Variants in EPB42 observed in about 807,000 individuals in gnomAD.
EPB42 encodes erythrocyte membrane protein band 4.2.
In EPB42, 49 loss-of-function variants were observed where a neutral mutation model predicts 76.9. The ratio of observed to expected loss-of-function variants is 0.64; its 90% CI spans 0.51 to 0.81. The LOEUF is 0.81. EPB42 is among the 30% of genes least tolerant of loss of function. The pLI is 0.00. For missense variants in EPB42, 731 were observed against 867.6 expected (o/e 0.84, Z 1.98); for synonymous variants, 310 against 338.4 (o/e 0.92, Z 0.92).
In EPB42 at chr15:43,210,408, C is replaced by T. The variant is rs146348439; in HGVS notation, c.581G>A (p.Arg194His). 1.1e-4 allele frequency: 185 copies of T among 1,613,850 alleles called. 1 individual carries two copies. The African/African-American group carries it at 1.6e-3, about 14-fold the overall frequency. ...FEGDVIDLSL[R>H]LLSKDKQVEK... Reference sequence around the variant, plus strand: ...TACCTGCTTGTCCTTGCTCAGCAAGCGCAGGCTGAGGTCAATGACATCCCC... The same window carrying T: ...TACCTGCTTGTCCTTGCTCAGCAAGTGCAGGCTGAGGTCAATGACATCCCC... Residue 194 changes from arginine to histidine, a missense_variant, in exon 5 of 13, where the codon CGC becomes CAC. Coordinates refer to ENST00000441366, the MANE Select transcript of EPB42 (RefSeq NM_001114134.2).
intron 10 of EPB42, among the ~76,000 whole-genome samples, chr15:43,203,702 T>A (rs530305): frequency 1.3e-5 from 2 of 151,890 alleles, no homozygotes; most frequent in Non-Finnish European, 2.9e-5. Flanking sequence ...GTATCCCCCC[T>A]GCCTAAGTTG....
Position 43,210,313 on chromosome 15 carries a change from G to A in EPB42, c.654+22C>T, listed in dbSNP as rs776157682. 1.2e-5 allele frequency: 19 copies of A among 1,608,406 alleles called. 1 individual carries two copies. In the Middle Eastern group the frequency reaches 1.6e-3, roughly 140 times the overall value. On this transcript the variant is annotated intron_variant, in intron 5 of 12. Coordinates refer to ENST00000441366, the MANE Select transcript of EPB42 (RefSeq NM_001114134.2). ...TTTTTTCTCACCCCTGCCCCATTCT[G>A]GTTCCCCAGCCTCTCGCTTACCAAG...
At chr15:43,220,656 C>CG in intron 1 of EPB42, 160 bp downstream of exon 1, 1 of 1,038,044 alleles carries the variant, frequency 9.6e-7, no homozygotes. Flanking sequence ...CACACCCCCC[C>CG]CCCACAGCCA....
chr15:43,211,506 A>G lies in EPB42; in HGVS notation c.459T>C (p.Ala153=). Residue 153 remains alanine (A), a synonymous_variant, in exon 4 of 13, where the codon GCT becomes GCC. Coordinates refer to ENST00000441366, the MANE Select transcript of EPB42 (RefSeq NM_001114134.2). ...GGTTCAACAAGTACTCCATGCGCTG[A>G]GCCTCATTCTTCAGGAACACAGCAT... is the stretch of plus-strand genomic sequence containing the variant. ...REDAVFLKNE[A]QRMEYLLNQN... is the part of the protein sequence containing the mutation. 6.2e-7 allele frequency: 1 copy of G among 1,613,938 alleles called. No homozygotes were observed. Among genetic ancestry groups the G allele is most frequent in the East Asian group, 2.2e-5 (1 of 44,876 alleles).
intron 8 of EPB42, among the ~76,000 whole-genome samples, chr15:43,207,813 G>A (rs1486120315): frequency 6.6e-6 from 1 of 152,150 alleles, no homozygotes; most frequent in East Asian, 1.9e-4. Context: ...TTCTGTTCCT[G>A]GGTGAGGAAG....
intron 5 of EPB42, 102 bp downstream of exon 5, chr15:43,210,233 T>C (rs1567278315): frequency 9.9e-7 from 1 of 1,008,374 alleles, no homozygotes; most frequent in East Asian, 2.4e-5. Context: ...GAGGGGGCCA[T>C]TTGTGATTTG....
At chr15:43,207,540 C>T in intron 8 of EPB42, 99 bp from the exon 9 acceptor site, 1 of 1,581,634 alleles carries the variant, frequency 6.3e-7, no homozygotes, top group Non-Finnish European at 8.6e-7. Context: ...GCCTATTTTC[C>T]CTCCACGAGG....
chr15:43,221,015 T>G lies in EPB42; in HGVS notation c.-190A>C. The stretch of plus-strand genomic sequence containing the variant: ...TGAGCACCCTGACATGTTTCTTCTC[T>G]CCTACTCCCTCTCTGCTGGTATCTC... On this transcript the variant is annotated 5_prime_UTR_variant, in exon 1 of 13. Transcript: ENST00000441366. 1 of 624,996 alleles carries G rather than the reference T, an allele frequency of 1.6e-6. No individual in the cohort carries two copies. The highest frequency in any genetic ancestry group is 2.9e-6 in the Non-Finnish European group (1 of 346,258). The allele number at this position is 624,996 out of a possible 1,614,324, so 38.7% of individuals were successfully genotyped here.
At chr15:43,219,027 G>T (rs2042419367) in intron 1 of EPB42, among the ~76,000 whole-genome samples, 2 of 152,162 alleles carry the variant, frequency 1.3e-5, no homozygotes, top group South Asian at 4.1e-4. Context: ...CCTCAGATGT[G>T]CCCCTCAAGC....
In EPB42 at chr15:43,208,314, CTG is replaced by C; in HGVS notation, c.989_990del (p.Thr330ArgfsTer14). On this transcript the variant is annotated frameshift_variant, in exon 8 of 13. Coordinates refer to ENST00000441366, the MANE Select transcript of EPB42 (RefSeq NM_001114134.2). LOFTEE classifies it high-confidence loss of function. ...AAGGCAGGCCGCGTCATCCAGCACT[CTG>C]TGGAAGTCTGGAAGATCCTGAATGC... ...RGRIWIFQTS[T>X]ECWMTRPALP... The C allele has an allele frequency of 6.2e-7, 1 of 1,614,090 alleles. No homozygotes were observed. Among genetic ancestry groups the C allele is most frequent in the Non-Finnish European group, 8.5e-7 (1 of 1,179,982 alleles).
At chr15:43,219,207 C>T (rs2042422477) in intron 1 of EPB42, among the ~76,000 whole-genome samples, 1 of 152,126 alleles carries the variant, frequency 6.6e-6, no homozygotes, top group South Asian at 2.1e-4. Context: ...CGGACTGGCA[C>T]ATCATCATGT....
upstream of EPB42, among the ~76,000 whole-genome samples, chr15:43,224,733 C>T (rs577125029): frequency 2.0e-5 from 3 of 152,252 alleles, no homozygotes; most frequent in African/African-American, 7.2e-5. Context: ...AATGAAGTAG[C>T]TCTATATAAA....
rs1334272991 is a variant in EPB42 at position 43,206,247 on chromosome 15, G to A, written c.1618+83C>T. ...GCCATCTCTAGAGACTGCAGGGGGTGCCCTGTGGCTGCTGCCTGCCCAAGG... is the reference window on the plus strand; with the variant it reads ...GCCATCTCTAGAGACTGCAGGGGGTACCCTGTGGCTGCTGCCTGCCCAAGG... On this transcript the variant is annotated intron_variant, in intron 10 of 12. Coordinates refer to ENST00000441366, the MANE Select transcript of EPB42 (RefSeq NM_001114134.2). The surrounding 1 kb of genome is among the most constrained non-coding windows in gnomAD (Gnocchi z 4.7). 7.0e-7 allele frequency: 1 copy of A among 1,427,358 alleles called. No individual in the cohort carries two copies. Among genetic ancestry groups the A allele is most frequent in the Non-Finnish European group, 9.5e-7 (1 of 1,057,890 alleles). The allele number at this position is 1,427,358 out of a possible 1,614,324, so 88.4% of individuals were successfully genotyped here.
chr15:43,204,084 T>C (rs2042165544), intron 10 of EPB42, among the ~76,000 whole-genome samples: 1 of 152,154 alleles, frequency 6.6e-6, no homozygotes, highest in Non-Finnish European at 1.5e-5. Context: ...CTCTGCCCAG[T>C]GTCCCTGGCT....
At position 43,210,352 on chromosome 15, in the gene EPB42, G is replaced by A. The variant is rs115660852; in HGVS notation, c.637C>T (p.Arg213Cys). 23 of 1,613,464 alleles carry A rather than the reference G, an allele frequency of 1.4e-5. No homozygotes were observed. The highest frequency in any genetic ancestry group is 1.2e-4 in the African/African-American group (9 of 74,862). Residue 213 changes from arginine (R) to cysteine (C), a missense_variant, in exon 5 of 13, where the codon CGT becomes TGT. Coordinates refer to ENST00000441366, the MANE Select transcript of EPB42 (RefSeq NM_001114134.2). ...EKWSQPVHVA[R>C]VLGALLHFLK... ...TCGCTTACCAAGGCACCCAACACACGGGCCACGTGCACCGGCTGGCTCCAC... is the reference window on the plus strand; with the variant it reads ...TCGCTTACCAAGGCACCCAACACACAGGCCACGTGCACCGGCTGGCTCCAC...
Position 43,211,130 on chromosome 15 carries a change from G to A in EPB42, c.549+286C>T, listed in dbSNP as rs564204140. Among the ~76,000 whole-genome samples the A allele has an allele frequency of 5.9e-5, 9 of 152,280 alleles. No homozygotes were observed. The East Asian group carries it at 1.7e-3, about 29-fold the overall frequency. On this transcript the variant is annotated intron_variant, in intron 4 of 12. Coordinates refer to ENST00000441366, the MANE Select transcript of EPB42 (RefSeq NM_001114134.2). ...GGGAAAGGAAAGCAGGGTCCTGGCTGGAAGGGCCGTGGATGTTAGGCTAGG... is the reference window on the plus strand; with the variant it reads ...GGGAAAGGAAAGCAGGGTCCTGGCTAGAAGGGCCGTGGATGTTAGGCTAGG...
intron 1 of EPB42, among the ~76,000 whole-genome samples, chr15:43,219,440 T>A (rs947888514): frequency 6.6e-6 from 1 of 152,200 alleles, no homozygotes; most frequent in African/African-American, 2.4e-5. Flanking sequence ...CTCTTGCAAG[T>A]CAGCACAAGC....
Position 43,203,348 on chromosome 15 carries a change from A to G in EPB42, c.1619-73T>C, listed in dbSNP as rs568533828. 54 of 1,586,880 alleles carry G rather than the reference A, an allele frequency of 3.4e-5. No homozygotes were observed. In the East Asian group the frequency reaches 1.2e-3, roughly 34 times the overall value. ...CAGAAACAGCCATAGTTACACACAC[A>G]ATACAAAGGACTCAGGGCCTCACTG... On this transcript the variant is annotated intron_variant, in intron 10 of 12. Transcript: ENST00000441366.
chr15:43,211,490 A>G lies in EPB42; in HGVS notation c.475T>C (p.Leu159=). The G allele has an allele frequency of 6.2e-7, 1 of 1,614,170 alleles. No individual in the cohort carries two copies. Residue 159 remains leucine, a synonymous_variant, in exon 4 of 13, where the codon TTG becomes CTG. Transcript: ENST00000441366. Reference sequence around the variant, plus strand: ...TAGATGAGACCATTCTGGTTCAACAAGTACTCCATGCGCTGAGCCTCATTC... The same window carrying G: ...TAGATGAGACCATTCTGGTTCAACAGGTACTCCATGCGCTGAGCCTCATTC... ...LKNEAQRMEY[L]LNQNGLIYLG...
Sources: gnomAD v4.1 joint callset for allele counts (sites outside exome capture counted in the v4.1 genomes callset) on GRCh38, gnomAD v4.1.1 for gene constraint, Gnocchi (gnomAD v3.1) non-coding constraint, MANE v1.5 for transcripts, NCBI Gene and HGNC (gene_info 2026-07-23, HGNC 2026-07-21) for gene names.